CSMD3: variants seen among roughly 807,000 people sequenced by gnomAD.
The protein encoded by CSMD3 is CUB and sushi domain-containing protein 3.
In CSMD3, 177 loss-of-function variants were observed where a neutral mutation model predicts 435.2. The ratio of observed to expected loss-of-function variants is 0.41; its 90% CI spans 0.36 to 0.46. The LOEUF (loss-of-function observed/expected upper bound fraction) is 0.46. Ranked by LOEUF, CSMD3 falls within the 20% of genes least tolerant of loss-of-function variation. CSMD3 has a pLI of 0.34. For missense variants in CSMD3, 4,265 were observed against 4,504.6 expected (o/e 0.95, Z 1.52); for synonymous variants, 1,656 against 1,520.5 (o/e 1.09, Z -2.07).
rs373550203 is a variant in CSMD3 at position 112,492,698 on chromosome 8, T to A, written c.5084-15A>T. On this transcript the variant is annotated splice_polypyrimidine_tract_variant and intron_variant, in intron 30 of 70. Coordinates refer to ENST00000297405, the MANE Select transcript of CSMD3 (RefSeq NM_198123.2). ...TCGCAGTTTTGCTGTAAAACAGTGTTAGTATAACATTAATTGCTTTAAAAT... is the reference window on the plus strand; with the variant it reads ...TCGCAGTTTTGCTGTAAAACAGTGTAAGTATAACATTAATTGCTTTAAAAT... 1 of 1,605,272 alleles carries A rather than the reference T, an allele frequency of 6.2e-7. No individual in the cohort carries two copies. Among genetic ancestry groups the A allele is most frequent in the Non-Finnish European group, 8.5e-7 (1 of 1,172,146 alleles).
intron 6 of CSMD3, among the ~76,000 whole-genome samples, chr8:113,004,661 AG>A (rs2085989551): frequency 6.6e-6 from 1 of 151,940 alleles, no homozygotes; most frequent in African/African-American, 2.4e-5. Context: ...TGGAATCAAT[AG>A]TCTAACACAA....
At chr8:112,787,570 C>T (rs1204784519) in intron 13 of CSMD3, among the ~76,000 whole-genome samples, 1 of 152,122 alleles carries the variant, frequency 6.6e-6, no homozygotes, top group South Asian at 2.1e-4. Context: ...GATAAAAAAA[C>T]TGTGCTGCAT....
intron 42 of CSMD3, among the ~76,000 whole-genome samples, chr8:112,339,353 G>A (rs949724424): frequency 4.6e-5 from 7 of 151,840 alleles, no homozygotes; most frequent in South Asian, 2.1e-4. Context: ...GACTGATTGC[G>A]GGCTACCACT....
At position 113,156,582 on chromosome 8, in the gene CSMD3, G is replaced by C. The variant is rs547425951; in HGVS notation, c.709+17140C>G. Among the ~76,000 whole-genome samples the C allele has an allele frequency of 9.2e-5, 14 of 151,590 alleles. No individual in the cohort carries two copies. The East Asian group carries it at 2.5e-3, about 28-fold the overall frequency. On this transcript the variant is annotated intron_variant, in intron 4 of 70. Coordinates refer to ENST00000297405, the MANE Select transcript of CSMD3 (RefSeq NM_198123.2). ...TTTCACAATGTCTGCTCCTAGAAGT[G>C]GACTACTCTATTCTGAAGGATGTTA...
intron 5 of CSMD3, among the ~76,000 whole-genome samples, chr8:113,028,857 G>A (rs973627370): frequency 2.0e-5 from 3 of 151,706 alleles, no homozygotes; most frequent in South Asian, 2.1e-4. Flanking sequence ...ATAAAGTGAC[G>A]TAGAAGCTGC....
At chr8:113,046,767 C>T (rs1052328064) in intron 5 of CSMD3, among the ~76,000 whole-genome samples, 11 of 152,134 alleles carry the variant, frequency 7.2e-5, no homozygotes, top group Non-Finnish European at 1.0e-4. Context: ...AGGGTCTGAG[C>T]GGCCCTGGAA....
intron 8 of CSMD3, among the ~76,000 whole-genome samples, chr8:112,950,795 T>C (rs72682172): frequency 0.022 from 3,397 of 152,098 alleles, 60 homozygotes; most frequent in South Asian, 0.031. Flanking sequence ...CCCGGAGCTC[T>C]ATAGCTGTTC....
chr8:113,394,810 T>A (rs1423156375), intron 1 of CSMD3, among the ~76,000 whole-genome samples: 3 of 152,108 alleles, frequency 2.0e-5, no homozygotes, highest in Non-Finnish European at 4.4e-5. Context: ...AAAAAAAAAT[T>A]TAACTATGTT....
intron 62 of CSMD3, 78 bp downstream of exon 62, chr8:112,255,176 A>T (rs1283146344): frequency 8.3e-7 from 1 of 1,208,662 alleles, no homozygotes; most frequent in Non-Finnish European, 1.2e-6. Context: ...TATAGGTTAT[A>T]GGATAAAGAA....
chr8:113,257,297 G>C (rs2093390000), intron 3 of CSMD3, among the ~76,000 whole-genome samples: 1 of 152,174 alleles, frequency 6.6e-6, no homozygotes, highest in South Asian at 2.1e-4. Context: ...TGTAGTCCCA[G>C]CTACATGGAA....
intron 7 of CSMD3, among the ~76,000 whole-genome samples, chr8:112,966,485 TA>T (rs2084420492): frequency 6.6e-6 from 1 of 151,216 alleles, no homozygotes. Context: ...TTTTCATTTT[TA>T]AAAATTTTTT....
intron 4 of CSMD3, among the ~76,000 whole-genome samples, chr8:113,120,685 G>GC (rs1305016461): frequency 5.9e-5 from 9 of 152,146 alleles, no homozygotes. Flanking sequence ...TATCCCAGCT[G>GC]TAGATTTTGA....
intron 12 of CSMD3, among the ~76,000 whole-genome samples, chr8:112,825,916 T>A (rs1274908965): frequency 1.3e-5 from 2 of 151,228 alleles, no homozygotes; most frequent in African/African-American, 4.9e-5. Flanking sequence ...TCTGCCTGGA[T>A]TGCCCAGAAC....
chr8:112,601,761 A>T (rs1832371243), intron 22 of CSMD3, among the ~76,000 whole-genome samples: 1 of 152,158 alleles, frequency 6.6e-6, no homozygotes, highest in Non-Finnish European at 1.5e-5. Context: ...AGGCAGGAGT[A>T]ACTTTTAGTT....
At chr8:113,084,836 A>AAGG (rs1243243147) in intron 5 of CSMD3, among the ~76,000 whole-genome samples, 1 of 152,056 alleles carries the variant, frequency 6.6e-6, no homozygotes, top group East Asian at 1.9e-4. Flanking sequence ...GATTTTTGAC[A>AAGG]AAGATGTCAA....
chr8:112,407,030 TA>T, intron 34 of CSMD3, among the ~76,000 whole-genome samples: 1 of 152,014 alleles, frequency 6.6e-6, no homozygotes, highest in Non-Finnish European at 1.5e-5. Context: ...GATATTTTTG[TA>T]ATTTGTGGGA....
chr8:112,878,221 G>GA (rs1302502414), intron 10 of CSMD3, among the ~76,000 whole-genome samples: 7 of 151,942 alleles, frequency 4.6e-5, no homozygotes, highest in Non-Finnish European at 1.0e-4. Context: ...AAATTTACAA[G>GA]AAAAAACAAA....
intron 3 of CSMD3, among the ~76,000 whole-genome samples, chr8:113,269,475 G>C (rs1214139185): frequency 6.6e-6 from 1 of 151,940 alleles, no homozygotes; most frequent in Non-Finnish European, 1.5e-5. Flanking sequence ...AGTTCATATG[G>C]AACCAAAAAA....
intron 5 of CSMD3, among the ~76,000 whole-genome samples, chr8:113,024,251 GTTTC>G (rs1421835303): frequency 1.3e-5 from 2 of 151,610 alleles, no homozygotes; most frequent in Non-Finnish European, 2.9e-5. Context: ...GACAAAATTT[GTTTC>G]TTTCTTAAGG....
Sources: gnomAD v4.1 joint callset for allele counts (sites outside exome capture counted in the v4.1 genomes callset) on GRCh38, gnomAD v4.1.1 for gene constraint, MANE v1.5 for transcripts, NCBI Gene and HGNC (gene_info 2026-07-23, HGNC 2026-07-21) for gene names.